The following IDO2 variants were observed in gnomAD, a reference collection of about 807,000 sequenced individuals.
IDO2 encodes indoleamine 2,3-dioxygenase-like 1 protein.
IDO2 carries 46 observed loss-of-function variants against 45.1 expected under a neutral mutation model. The ratio of observed to expected loss-of-function variants is 1.02; its 90% confidence interval spans 0.80 to 1.30. The LOEUF (loss-of-function observed/expected upper bound fraction) is 1.30. IDO2 is among the 50% of genes most tolerant of loss of function. The pLI, the probability that IDO2 is intolerant of heterozygous loss-of-function variation, is 0.00. For synonymous variants in IDO2, 218 were observed against 184.9 expected, an observed-to-expected ratio of 1.18 and a Z score of -1.45; for missense variants, 544 against 491.8, an observed-to-expected ratio of 1.11 and a Z score of -1.00.
At chr8:39,991,175 T>C (rs539734482) in intron 8 of IDO2, among the ~76,000 whole-genome samples, 1 of 152,330 alleles carries the variant, frequency 6.6e-6, no homozygotes, top group Non-Finnish European at 1.5e-5. Context: ...CTATCTGAAG[T>C]CACAGGATTA....
At chr8:39,987,640 A>G (rs569506889) in intron 6 of IDO2, 3 of 485,374 alleles carry the variant, frequency 6.2e-6, no homozygotes, top group South Asian at 6.6e-5. Flanking sequence ...GGGCCATGCT[A>G]GACATTGGGA....
intron 2 of IDO2, among the ~76,000 whole-genome samples, chr8:39,955,562 C>T (rs1369641861): frequency 6.6e-6 from 1 of 151,982 alleles, no homozygotes; most frequent in Non-Finnish European, 1.5e-5. Context: ...AGAGGAATGA[C>T]TGAGCTCTCA....
chr8:40,005,346 AT>A lies in IDO2; in HGVS notation c.691del (p.Tyr231MetfsTer21). On this transcript the variant is annotated frameshift_variant, in exon 9 of 11. Coordinates refer to ENST00000502986, the Ensembl canonical transcript of IDO2. LOFTEE classifies it high-confidence loss of function. The stretch of plus-strand genomic sequence containing the variant: ...CTCCAGATTATGTAGATCCAGACAT[AT>A]TTTATGCAGGCATCCGGATCTTTCT... The A allele has an allele frequency of 6.3e-7, 1 of 1,581,978 alleles. No individual in the cohort carries two copies. The highest frequency in any genetic ancestry group is 8.6e-7 in the Non-Finnish European group (1 of 1,160,274).
chr8:39,985,309 T>A (rs1471767448), intron 5 of IDO2, 199 bp from the exon 6 acceptor site: 2 of 597,188 alleles, frequency 3.3e-6, no homozygotes, highest in Non-Finnish European at 6.0e-6. Flanking sequence ...CTTTATCACA[T>A]AGCACCCCAT....
intron 8 of IDO2, among the ~76,000 whole-genome samples, chr8:40,002,028 C>T (rs192002661): frequency 1.8e-3 from 267 of 152,050 alleles, no homozygotes; most frequent in Non-Finnish European, 3.1e-3. Flanking sequence ...TCAAGTGATC[C>T]ACCTGTCTCA....
intron 2 of IDO2, among the ~76,000 whole-genome samples, chr8:39,949,569 GAAC>G (rs1368826784): frequency 6.6e-6 from 1 of 152,070 alleles, no homozygotes; most frequent in East Asian, 1.9e-4. Flanking sequence ...TATAAATAAA[GAAC>G]AAATATAGAG....
At chr8:39,950,905 C>T (rs116537540) in intron 2 of IDO2, among the ~76,000 whole-genome samples, 100 of 152,200 alleles carry the variant, frequency 6.6e-4, no homozygotes, top group African/African-American at 2.2e-3. Flanking sequence ...TTTGGACAGC[C>T]ACTAATAGTG....
intron 1 of IDO2, among the ~76,000 whole-genome samples, chr8:39,940,018 C>T (rs1305564742): frequency 2.7e-5 from 4 of 147,330 alleles, no homozygotes; most frequent in African/African-American, 9.7e-5. Flanking sequence ...ACTGGTACTA[C>T]TGTGATTCAT....
intron 3 of IDO2, among the ~76,000 whole-genome samples, chr8:39,975,226 C>CATAGAATATCCTGTATTCA: frequency 6.8e-6 from 1 of 146,830 alleles, no homozygotes; most frequent in African/African-American, 2.5e-5. Context: ...AGTGCATTGG[C>CATAGAATATCCTGTATTCA]GTGATCTTGG....
intron 10 of IDO2, 90 bp from the exon 11 acceptor site, chr8:40,015,157 G>GA (rs5891076): frequency 4.6e-6 from 3 of 653,196 alleles, no homozygotes; most frequent in African/African-American, 3.7e-5. Context: ...CTCATCTAGA[G>GA]AAAAAAAAAA....
chr8:39,961,451 T>C (rs1190629536), intron 2 of IDO2, among the ~76,000 whole-genome samples: 1 of 150,518 alleles, frequency 6.6e-6, no homozygotes, highest in East Asian at 2.0e-4. Flanking sequence ...GCCTCCCGAG[T>C]AGCTGGGATT....
Position 39,966,960 on chromosome 8 carries a change from T to C in IDO2, c.195+3257T>C, listed in dbSNP as rs866768589. On this transcript the variant is annotated intron_variant, in intron 3 of 10. Coordinates refer to ENST00000502986, the Ensembl canonical transcript of IDO2. The stretch of plus-strand genomic sequence containing the variant: ...TAAATATTTTATTTAGTGTATCCAG[T>C]ATATTGCCTTCCTAAATTAAGTGAA... Among the ~76,000 whole-genome samples, 26 of 152,326 alleles carry C rather than the reference T, an allele frequency of 1.7e-4. 1 individual carries two copies. Among genetic ancestry groups the C allele is most frequent in the Middle Eastern group, 3.4e-3 (1 of 294 alleles).
intron 5 of IDO2, 161 bp from the exon 6 acceptor site, chr8:39,985,347 A>G (rs1164035935): frequency 1.6e-6 from 1 of 635,592 alleles, no homozygotes; most frequent in Non-Finnish European, 2.8e-6. Flanking sequence ...CAGAATTCAA[A>G]GTAAGTGTGG....
At chr8:39,937,898 A>G (rs995277076) in intron 1 of IDO2, among the ~76,000 whole-genome samples, 5 of 152,228 alleles carry the variant, frequency 3.3e-5, no homozygotes, top group Non-Finnish European at 1.5e-5. Flanking sequence ...AAAAAGTGAA[A>G]TAGATAATCA....
At chr8:39,937,115 T>C (rs1017487145) in intron 1 of IDO2, among the ~76,000 whole-genome samples, 3 of 152,258 alleles carry the variant, frequency 2.0e-5, no homozygotes, top group Non-Finnish European at 4.4e-5. Flanking sequence ...CCGCTTTCAA[T>C]GATCGTCTTC....
intron 1 of IDO2, among the ~76,000 whole-genome samples, chr8:39,946,987 C>T (rs1807741890): frequency 6.6e-6 from 1 of 151,810 alleles, no homozygotes; most frequent in Non-Finnish European, 1.5e-5. Context: ...TGGTGAAACC[C>T]CATCTCTACT....
intron 3 of IDO2, among the ~76,000 whole-genome samples, chr8:39,970,326 T>G (rs1808159478): frequency 6.6e-6 from 1 of 152,258 alleles, no homozygotes; most frequent in African/African-American, 2.4e-5. Flanking sequence ...CTGCAGCTAA[T>G]TATCCAGAAG....
At chr8:40,015,059 G>A (rs773761005) in intron 10 of IDO2, among the ~76,000 whole-genome samples, 188 bp from the exon 11 acceptor site, 2 of 152,118 alleles carry the variant, frequency 1.3e-5, no homozygotes, top group Non-Finnish European at 2.9e-5. Flanking sequence ...AGAAGACTGA[G>A]GTGGGAGGAT....
chr8:39,996,909 A>G (rs903614420), intron 8 of IDO2, among the ~76,000 whole-genome samples: 5 of 152,230 alleles, frequency 3.3e-5, no homozygotes, highest in Non-Finnish European at 5.9e-5. Context: ...AACTACATTA[A>G]CAGGCACAAT....
Sources: allele counts gnomAD v4.1 joint callset (sites outside exome capture counted in the v4.1 genomes callset), GRCh38; gene constraint gnomAD v4.1.1; transcripts MANE v1.5; gene names NCBI Gene and HGNC (gene_info 2026-07-23, HGNC 2026-07-21).